NINJ2: variants seen among roughly 807,000 people sequenced by gnomAD.
NINJ2 encodes ninjurin-2.
Under a neutral mutation model 11.7 loss-of-function variants are expected in NINJ2, and 12 were observed. The ratio of observed to expected loss-of-function variants is 1.02; its 90% CI spans 0.66 to 1.66. The LOEUF (loss-of-function observed/expected upper bound fraction) is 1.66, where lower values mean the gene tolerates loss of function less well. NINJ2 is among the 40% of genes most tolerant of loss of function. The probability of loss-of-function intolerance (pLI) is 0.00; values close to 1 mark genes in which losing one functional copy is unlikely to be tolerated. For missense variants in NINJ2, 187 were observed against 181.8 expected (o/e 1.03, Z -0.16); for synonymous variants, 93 against 76.8 (o/e 1.21, Z -1.10).
At chr12:635,223 G>A (rs756122333) in intron 1 of NINJ2, among the ~76,000 whole-genome samples, 5 of 151,956 alleles carry the variant, frequency 3.3e-5, no homozygotes, top group Non-Finnish European at 4.4e-5. Flanking sequence ...CCTAAATTTT[G>A]TATTTTTAGT....
At chr12:612,130 G>A (rs1214851017) in intron 1 of NINJ2, among the ~76,000 whole-genome samples, 1 of 152,222 alleles carries the variant, frequency 6.6e-6, no homozygotes, top group African/African-American at 2.4e-5. Context: ...TATCCCAGGA[G>A]CAGAGCAACA....
rs778551700 is a variant in NINJ2 at position 633,870 on chromosome 12, T to C, written c.33+29458A>G. Among the ~76,000 whole-genome samples, 1 of 152,132 alleles carries C rather than the reference T, an allele frequency of 6.6e-6. No homozygotes were observed. The highest frequency in any genetic ancestry group is 1.5e-5 in the Non-Finnish European group (1 of 68,022). ...TCTGCTAAATCAAGTACACATTCCT[T>C]TGCCTGGTTATTTAAAAATCCCCCA... On this transcript the variant is annotated intron_variant, in intron 1 of 3. Transcript: ENST00000305108. This position sits in a 1 kb window ranked among gnomAD's most constrained non-coding sequence, Gnocchi z 4.3.
intron 1 of NINJ2, among the ~76,000 whole-genome samples, chr12:582,488 C>T (rs1242263745): frequency 7.8e-5 from 7 of 89,948 alleles, no homozygotes; most frequent in South Asian, 5.0e-4. Flanking sequence ...AATGAATGGG[C>T]ACAGGCAGGC....
intron 1 of NINJ2, among the ~76,000 whole-genome samples, chr12:587,137 G>T (rs1350906549): frequency 6.6e-6 from 1 of 152,224 alleles, no homozygotes; most frequent in African/African-American, 2.4e-5. Flanking sequence ...TTCCTGTGGA[G>T]CATCTCTGCC....
chr12:659,856 G>T (rs767397817), intron 1 of NINJ2, among the ~76,000 whole-genome samples: 2 of 152,196 alleles, frequency 1.3e-5, no homozygotes, highest in Non-Finnish European at 2.9e-5. Flanking sequence ...GTCACCCAGG[G>T]CTGCCGTACT....
Position 566,073 on chromosome 12 carries a change from C to T in NINJ2, c.139G>A (p.Ala47Thr), listed in dbSNP as rs536237414. Reference sequence around the variant, plus strand: ...TCCAGCACCGCCTTCAGCCGCATGGCGTTGGACATGAACAGGGCCACGTCC... The same window carrying T: ...TCCAGCACCGCCTTCAGCCGCATGGTGTTGGACATGAACAGGGCCACGTCC... ...MLDVALFMSN[A>T]MRLKAVLEQG... is the part of the protein sequence containing the mutation. The change falls in exon 2 of 4, where the codon GCC becomes ACC. Residue 47 changes from alanine to threonine, a missense_variant. Coordinates refer to ENST00000305108, the MANE Select transcript of NINJ2 (RefSeq NM_016533.6). 3.1e-4 allele frequency: 497 copies of T among 1,614,168 alleles called. 2 individuals are homozygous for T. In the South Asian group the frequency reaches 4.7e-3, roughly 15 times the overall value.
chr12:608,246 T>C (rs1947964850), intron 1 of NINJ2, among the ~76,000 whole-genome samples: 1 of 152,204 alleles, frequency 6.6e-6, no homozygotes, highest in Non-Finnish European at 1.5e-5. Context: ...AGGAATCTTA[T>C]CCTATTCAGC....
chr12:624,933 A>AC (rs1218718445), intron 1 of NINJ2, among the ~76,000 whole-genome samples: 1 of 151,744 alleles, frequency 6.6e-6, no homozygotes. Context: ...ACATGGTGAA[A>AC]CCCCGTCTTT....
intron 2 of NINJ2, 98 bp downstream of exon 2, chr12:565,852 G>A: frequency 9.6e-7 from 1 of 1,046,172 alleles, no homozygotes; most frequent in Non-Finnish European, 1.5e-6. Context: ...TTGCAAAGCT[G>A]CCTGTGCCAA....
chr12:658,940 G>A (rs1032399499), intron 1 of NINJ2, among the ~76,000 whole-genome samples: 1 of 151,526 alleles, frequency 6.6e-6, no homozygotes, highest in African/African-American at 2.4e-5. Context: ...GGGGCAAGGG[G>A]CTATATGGGA....
intron 1 of NINJ2, among the ~76,000 whole-genome samples, chr12:576,766 A>G (rs1175277683): frequency 2.0e-5 from 3 of 152,196 alleles, no homozygotes; most frequent in African/African-American, 4.8e-5. Context: ...TTAATCGTGG[A>G]TTTACCTACC....
At chr12:636,391 A>G (rs1354112275) in intron 1 of NINJ2, among the ~76,000 whole-genome samples, 1 of 83,716 alleles carries the variant, frequency 1.2e-5, no homozygotes, top group East Asian at 3.5e-4. Context: ...AAATAAATAA[A>G]TAAATAGATA....
intron 1 of NINJ2, among the ~76,000 whole-genome samples, chr12:662,179 G>C (rs1937966462): frequency 6.6e-6 from 1 of 152,254 alleles, no homozygotes; most frequent in Non-Finnish European, 1.5e-5. Flanking sequence ...ATAAGCCAGG[G>C]AAAGAAGGTT....
At chr12:622,120 G>A (rs1482237246) in intron 1 of NINJ2, among the ~76,000 whole-genome samples, 18 of 82,038 alleles carry the variant, frequency 2.2e-4, no homozygotes, top group African/African-American at 5.2e-4. Context: ...AGACTGTGTC[G>A]GGAAAAAAAA....
intron 1 of NINJ2, among the ~76,000 whole-genome samples, chr12:615,819 G>A (rs1209628440): frequency 1.3e-5 from 2 of 152,198 alleles, no homozygotes; most frequent in East Asian, 1.9e-4. Context: ...TGCCTCACAC[G>A]ACTTCACATG....
intron 1 of NINJ2, among the ~76,000 whole-genome samples, chr12:572,940 T>A (rs1947398302): frequency 7.4e-6 from 1 of 135,476 alleles, no homozygotes; most frequent in Non-Finnish European, 1.5e-5. Context: ...CACTGCAACC[T>A]CCCACTCCAG....
chr12:572,922 TCTC>T lies in NINJ2; in HGVS notation c.34-6747_34-6745del, dbSNP rs543826933. 6.5e-5 allele frequency among the ~76,000 whole-genome samples: 9 copies of T among 138,346 alleles called. No homozygotes were observed. The East Asian group carries it at 1.8e-3, about 28-fold the overall frequency. 90.8% of individuals were successfully genotyped at this position (138,346 alleles called of 152,430 possible). ...CCCAGGCTGGAGTGCAGTGGCACAA[TCTC>T]AGCTCACTGCAACCTCCCACTCCAG... On this transcript the variant is annotated intron_variant, in intron 1 of 3. Transcript: ENST00000305108.
At chr12:646,642 A>T (rs1296824888) in intron 1 of NINJ2, among the ~76,000 whole-genome samples, 1 of 152,164 alleles carries the variant, frequency 6.6e-6, no homozygotes, top group Non-Finnish European at 1.5e-5. Context: ...CCCTGTTTGA[A>T]TCATAACACT....
At chr12:626,624 C>A (rs1183898501) in intron 1 of NINJ2, among the ~76,000 whole-genome samples, 17 of 152,162 alleles carry the variant, frequency 1.1e-4, no homozygotes, top group Admixed American at 1.1e-3. Context: ...AAATATGGCA[C>A]TGTAGTTAAG....
Sources: gnomAD v4.1 joint callset for allele counts (sites outside exome capture counted in the v4.1 genomes callset) on GRCh38, gnomAD v4.1.1 for gene constraint, Gnocchi (gnomAD v3.1) non-coding constraint, MANE v1.5 for transcripts, NCBI Gene and HGNC (gene_info 2026-07-23, HGNC 2026-07-21) for gene names.